The following CCN4 variants were observed in gnomAD, a reference collection of about 807,000 sequenced individuals.
CCN4 encodes cellular communication network factor 4.
A neutral mutation model predicts 36.7 loss-of-function variants in CCN4; 30 were observed. That is an observed-to-expected ratio of 0.82 (90% confidence interval 0.61 to 1.11). The LOEUF (loss-of-function observed/expected upper bound fraction) is 1.11, where lower values mean the gene tolerates loss of function less well. Among genes scored for constraint, CCN4 ranks in the 50% least tolerant of loss-of-function variants. CCN4 has a pLI of 0.00. For synonymous variants in CCN4, 191 were observed against 195.4 expected (o/e 0.98, Z 0.19); for missense variants, 505 against 504.9 (o/e 1.00, Z 0.00).
Position 133,227,876 on chromosome 8 carries a change from C to A in CCN4, c.*166C>A. The A allele has an allele frequency of 1.3e-6, 1 of 747,740 alleles. No homozygotes were observed. Among genetic ancestry groups the A allele is most frequent in the Non-Finnish European group, 2.1e-6 (1 of 474,166 alleles). 46.3% of individuals were successfully genotyped at this position (747,740 alleles called of 1,614,324 possible). A position where few individuals can be genotyped will look rare whatever the true frequency, so the allele number is the denominator to read the frequency against. Reference sequence around the variant, plus strand: ...ATGACGCCTGATGGTGCTGCTCAGGCCCATGCTATGAGTTTTCTCCTTGAT... The same window carrying A: ...ATGACGCCTGATGGTGCTGCTCAGGACCATGCTATGAGTTTTCTCCTTGAT... On this transcript the variant is annotated 3_prime_UTR_variant, in exon 5 of 5. Coordinates refer to ENST00000250160, the MANE Select transcript of CCN4 (RefSeq NM_003882.4).
In CCN4 at chr8:133,227,517, G is replaced by T; in HGVS notation, c.911G>T (p.Cys304Phe). 6.2e-7 allele frequency: 1 copy of T among 1,614,206 alleles called. No homozygotes were observed. Among genetic ancestry groups the T allele is most frequent in the Non-Finnish European group, 8.5e-7 (1 of 1,180,026 alleles). Residue 304 changes from cysteine to phenylalanine, a missense_variant, in exon 5 of 5, where the codon TGC becomes TTC. Physicochemically the swap from Cys to Phe is radical, Grantham distance 205. Transcript: ENST00000250160. ...TATCAACCCAAGTACTGTGGAGTTT[G>T]CATGGACAATAGGTGCTGCATCCCC... ...RSYQPKYCGV[C>F]MDNRCCIPYK...
chr8:133,204,443 C>G (rs1225971193), intron 1 of CCN4, among the ~76,000 whole-genome samples: 1 of 152,208 alleles, frequency 6.6e-6, no homozygotes, highest in African/African-American at 2.4e-5. Flanking sequence ...TCTCTTATCC[C>G]TGCCCAATGT....
intron 1 of CCN4, among the ~76,000 whole-genome samples, chr8:133,194,495 T>G (rs1853258110): frequency 6.6e-5 from 5 of 75,742 alleles, no homozygotes; most frequent in Non-Finnish European, 9.6e-5. Context: ...GGGGGTGTGG[T>G]GTGTGTGGAA....
chr8:133,214,426 C>CTT (rs71299057), intron 2 of CCN4, among the ~76,000 whole-genome samples: 1 of 151,820 alleles, frequency 6.6e-6, no homozygotes, highest in Non-Finnish European at 1.5e-5. Flanking sequence ...CCTTATGATG[C>CTT]TTTTGTTTTT....
chr8:133,210,244 G>C (rs1271623990), intron 1 of CCN4, among the ~76,000 whole-genome samples: 2 of 152,140 alleles, frequency 1.3e-5, no homozygotes, highest in Admixed American at 6.5e-5. Context: ...TCCTGGAGGA[G>C]AGGGCATCTT....
chr8:133,200,551 T>C (rs913178014), intron 1 of CCN4, among the ~76,000 whole-genome samples: 1 of 152,202 alleles, frequency 6.6e-6, no homozygotes, highest in African/African-American at 2.4e-5. Flanking sequence ...TTACATATGG[T>C]TATTTGAATG....
At chr8:133,223,960 T>C (rs955617069) in intron 3 of CCN4, among the ~76,000 whole-genome samples, 3 of 152,196 alleles carry the variant, frequency 2.0e-5, no homozygotes, top group Non-Finnish European at 4.4e-5. Flanking sequence ...GAGTGGGTAG[T>C]TGAGTTGGCT....
rs374293123 is a variant in CCN4, at chr8:133,227,469, C to G, written c.863C>G (p.Ala288Gly). 7 of 1,614,118 alleles carry G rather than the reference C, an allele frequency of 4.3e-6. No homozygotes were observed. The highest frequency in any genetic ancestry group is 5.9e-6 in the Non-Finnish European group (7 of 1,180,014). The change falls in exon 5 of 5, where the codon GCG becomes GGG. Residue 288 changes from alanine (A) to glycine (G), a missense_variant. Physicochemically the swap from Ala to Gly is moderately conservative, Grantham distance 60 (BLOSUM62 0). Transcript: ENST00000250160. ...GAGGCATCCATGAACTTCACACTTG[C>G]GGGCTGCATCAGCACACGCTCCTAT... ...QPEASMNFTL[A>G]GCISTRSYQP...
intron 1 of CCN4, among the ~76,000 whole-genome samples, chr8:133,195,895 T>C (rs1853364698): frequency 6.6e-6 from 1 of 152,234 alleles, no homozygotes; most frequent in Admixed American, 6.5e-5. Context: ...TCAGCCATCC[T>C]CTGGGCAGCA....
In CCN4 at chr8:133,227,452, C is replaced by A. The variant is rs2130628941; in HGVS notation, c.846C>A (p.Ser282=). The A allele has an allele frequency of 2.5e-6, 4 of 1,614,162 alleles. No homozygotes were observed. The South Asian group carries it at 3.3e-5, about 13-fold the overall frequency. ...KCLAVYQPEA[S]MNFTLAGCIS... ...TGGCTGTGTACCAGCCAGAGGCATC[C>A]ATGAACTTCACACTTGCGGGCTGCA... The change falls in exon 5 of 5, where the codon TCC becomes TCA. Residue 282 remains serine, a synonymous_variant. Transcript: ENST00000250160.
At chr8:133,211,505 T>C (rs1854031446) in intron 1 of CCN4, among the ~76,000 whole-genome samples, 1 of 152,112 alleles carries the variant, frequency 6.6e-6, no homozygotes, top group Admixed American at 6.5e-5. Flanking sequence ...ATCCTGGGAG[T>C]GTCCATCTGT....
intron 1 of CCN4, among the ~76,000 whole-genome samples, chr8:133,194,618 A>G (rs1400581333): frequency 3.9e-3 from 94 of 23,992 alleles, no homozygotes; most frequent in South Asian, 5.7e-3. Flanking sequence ...GGGTTTGTGT[A>G]GTGTGTGTGG....
chr8:133,225,055 A>C (rs1465514840), intron 3 of CCN4, among the ~76,000 whole-genome samples: 1 of 152,172 alleles, frequency 6.6e-6, no homozygotes, highest in Admixed American at 6.5e-5. Context: ...TTGTTCTAAT[A>C]GGGAGACAGG....
intron 4 of CCN4, among the ~76,000 whole-genome samples, chr8:133,226,994 G>A (rs1224153923): frequency 2.0e-5 from 3 of 152,220 alleles, no homozygotes; most frequent in African/African-American, 7.2e-5. Flanking sequence ...AAAGGCAGGA[G>A]GGGCGGTTAG....
intron 1 of CCN4, among the ~76,000 whole-genome samples, chr8:133,205,215 T>G (rs1047050587): frequency 1.3e-5 from 2 of 152,180 alleles, no homozygotes; most frequent in Non-Finnish European, 2.9e-5. Context: ...CACCGCAGAG[T>G]GGCCACCACC....
chr8:133,209,829 G>A (rs1853931956), intron 1 of CCN4, among the ~76,000 whole-genome samples: 1 of 152,194 alleles, frequency 6.6e-6, no homozygotes, highest in African/African-American at 2.4e-5. Context: ...ACCTAGTGCT[G>A]CCACATCCAC....
At chr8:133,201,772 G>A (rs1853594304) in intron 1 of CCN4, among the ~76,000 whole-genome samples, 1 of 152,068 alleles carries the variant, frequency 6.6e-6, no homozygotes, top group Non-Finnish European at 1.5e-5. Flanking sequence ...GAACTCTGGA[G>A]GCAGATGTTG....
At chr8:133,193,046 C>A (rs1031268581) in intron 1 of CCN4, among the ~76,000 whole-genome samples, 1 of 152,200 alleles carries the variant, frequency 6.6e-6, no homozygotes, top group Admixed American at 6.5e-5. Context: ...GAGGTGTGCA[C>A]GGCACTGGAG....
chr8:133,225,664 TG>T (rs1186697442), intron 4 of CCN4, 81 bp downstream of exon 4: 4 of 1,360,298 alleles, frequency 2.9e-6, no homozygotes, highest in Non-Finnish European at 3.9e-6. Flanking sequence ...AACTTCCTCG[TG>T]GGGAGCATTT....
Sources: gnomAD v4.1 joint callset for allele counts (sites outside exome capture counted in the v4.1 genomes callset) on GRCh38, gnomAD v4.1.1 for gene constraint, MANE v1.5 for transcripts, NCBI Gene and HGNC (gene_info 2026-07-23, HGNC 2026-07-21) for gene names.